ARSG: variants seen among roughly 807,000 people sequenced by gnomAD.
ARSG encodes ASG.
ARSG carries 37 observed loss-of-function variants against 50.5 expected under a neutral mutation model. The observed-to-expected ratio is 0.73, with a 90% CI of 0.56 to 0.96. ARSG has a LOEUF of 0.96. ARSG is among the 50% of genes least tolerant of loss of function. The probability of loss-of-function intolerance (pLI) is 0.00; values close to 1 mark genes in which losing one functional copy is unlikely to be tolerated. For synonymous variants in ARSG, 225 were observed against 254.6 expected, an observed-to-expected ratio of 0.88 and a Z score of 1.11; for missense variants, 629 against 675.3, an observed-to-expected ratio of 0.93 and a Z score of 0.76.
At chr17:68,329,535 C>T (rs56713568) in intron 2 of ARSG, among the ~76,000 whole-genome samples, 1,877 of 152,310 alleles carry the variant, frequency 0.012, 34 homozygotes, top group African/African-American at 0.042. Flanking sequence ...GCCCCACTGG[C>T]TGCCCCAGGG....
chr17:68,276,125 G>C (rs2075510337), intron 1 of ARSG, among the ~76,000 whole-genome samples: 1 of 151,454 alleles, frequency 6.6e-6, no homozygotes, highest in South Asian at 2.1e-4. Flanking sequence ...ACAGAGTCTT[G>C]CTCTGTCTCC....
chr17:68,444,572 T>C, the ARSG span: 16 of 1,613,796 alleles, frequency 9.9e-6, no homozygotes, highest in Admixed American at 2.2e-4. Flanking sequence ...TGGACTCTTC[T>C]AGGCAAACCA....
rs7221338 is a variant in ARSG at position 68,301,835 on chromosome 17, T to A, written c.-551-5108T>A. Among the ~76,000 whole-genome samples the A allele has an allele frequency of 6.2e-3, 945 of 152,138 alleles. 9 individuals are homozygous for A. The highest frequency in any genetic ancestry group is 0.017 in the Middle Eastern group (5 of 294). ...TTCCCAGTTTCTCTGCCTTTCCTGC[T>A]TGGCTTCCTGATGGCTGCGTAGCTT... On this transcript the variant is annotated intron_variant, in intron 1 of 11. Transcript: ENST00000621439.
intron 9 of ARSG, among the ~76,000 whole-genome samples, chr17:68,392,895 T>C (rs1456780058): frequency 6.6e-6 from 1 of 152,238 alleles, no homozygotes; most frequent in Non-Finnish European, 1.5e-5. Flanking sequence ...AGATCTTTTA[T>C]AACACAGAGA....
intron 2 of ARSG, among the ~76,000 whole-genome samples, chr17:68,340,913 A>G (rs969750017): frequency 6.6e-6 from 1 of 152,160 alleles, no homozygotes; most frequent in Admixed American, 6.5e-5. Flanking sequence ...TAATTTTAAC[A>G]TTATAGGTTT....
At chr17:68,290,041 T>C (rs766946331), upstream of ARSG, among the ~76,000 whole-genome samples, 3 of 152,196 alleles carry the variant, frequency 2.0e-5, no homozygotes, top group Non-Finnish European at 2.9e-5. Flanking sequence ...GCATAAGCAC[T>C]TGGCATCTTT....
downstream of ARSG, among the ~76,000 whole-genome samples, chr17:68,426,758 C>A (rs1383770402): frequency 6.6e-6 from 1 of 152,198 alleles, no homozygotes; most frequent in Admixed American, 6.5e-5. Flanking sequence ...TGGTCTCAAA[C>A]CCCTGGCCTC....
At chr17:68,318,568 G>A (rs2077161979) in intron 2 of ARSG, among the ~76,000 whole-genome samples, 1 of 152,222 alleles carries the variant, frequency 6.6e-6, no homozygotes, top group African/African-American at 2.4e-5. Context: ...CACAGGCAGC[G>A]AAGCCCAGAT....
rs201177561 is a variant in ARSG, at chr17:68,368,602, C to T, written c.759C>T (p.Pro253=). Residue 253 remains proline (P), a synonymous_variant, in exon 7 of 12, where the codon CCC becomes CCT. Coordinates refer to ENST00000621439, the MANE Select transcript of ARSG (RefSeq NM_001267727.2). Reference sequence around the variant, plus strand: ...TGGCTCTGGCCCACATGCACGTGCCCTTACCTGTGACTCAGCTACCAGCAG... The same window carrying T: ...TGGCTCTGGCCCACATGCACGTGCCTTTACCTGTGACTCAGCTACCAGCAG... ...LYVALAHMHV[P]LPVTQLPAAP... is the part of the protein sequence containing the mutation. 73 of 1,614,096 alleles carry T rather than the reference C, an allele frequency of 4.5e-5. No individual in the cohort carries two copies. The highest frequency in any genetic ancestry group is 6.0e-5 in the Non-Finnish European group (71 of 1,180,034).
At chr17:68,414,021 C>T (rs890904596) in intron 11 of ARSG, 1 of 155,496 alleles carries the variant, frequency 6.4e-6, no homozygotes, top group African/African-American at 2.4e-5. Flanking sequence ...GTCTGGCACT[C>T]CCTAGTGAGA....
chr17:68,354,071 T>A (rs1398777552), intron 5 of ARSG, among the ~76,000 whole-genome samples: 2 of 151,326 alleles, frequency 1.3e-5, no homozygotes, highest in Admixed American at 1.3e-4. Flanking sequence ...TATTTTTTTA[T>A]TTTTATTTTT....
chr17:68,295,151 A>G (rs1555757689), intron 1 of ARSG, among the ~76,000 whole-genome samples: 1 of 152,090 alleles, frequency 6.6e-6, no homozygotes, highest in Admixed American at 6.5e-5. Flanking sequence ...GAAGCCTTCA[A>G]CTGGCAGAGA....
In ARSG at chr17:68,366,673, A is replaced by ATGTGTGTGTGTGTGTGTG. The variant is rs555888280; in HGVS notation, c.705-1872_705-1871insGTGTGTGTGTGTGTGTGT. ...GCATTTGAAATGTGGCTAGGAATTT[A>ATGTGTGTGTGTGTGTGTG]TGTATGTGTGTGTGTGTGTGTGTGT... On this transcript the variant is annotated intron_variant, in intron 6 of 11. Transcript: ENST00000621439. Among the ~76,000 whole-genome samples, 1,096 of 134,958 alleles carry ATGTGTGTGTGTGTGTGTG rather than the reference A, an allele frequency of 8.1e-3. 17 individuals carry two copies. Among genetic ancestry groups the ATGTGTGTGTGTGTGTGTG allele is most frequent in the African/African-American group, 0.029 (1,032 of 36,156 alleles). 88.5% of individuals were successfully genotyped at this position (134,958 alleles called of 152,430 possible). A position where few individuals can be genotyped will look rare whatever the true frequency, so the allele number is the denominator to read the frequency against.
At chr17:68,395,638 G>T (rs1479630490) in intron 10 of ARSG, among the ~76,000 whole-genome samples, 1 of 152,072 alleles carries the variant, frequency 6.6e-6, no homozygotes, top group East Asian at 1.9e-4. Flanking sequence ...GCTTAGGGTG[G>T]GTGTATATAG....
intron 1 of ARSG, chr17:68,274,330 G>A (rs782203017): frequency 9.7e-6 from 3 of 308,970 alleles, no homozygotes; most frequent in South Asian, 9.1e-5. Context: ...GCCAGGCATG[G>A]TGGTGTGCAC....
chr17:68,361,076 C>T (rs530675349), intron 6 of ARSG, among the ~76,000 whole-genome samples: 29 of 152,272 alleles, frequency 1.9e-4, no homozygotes, highest in African/African-American at 6.0e-4. Context: ...CTACCTGCCT[C>T]GGCCTCCCAA....
At chr17:68,416,602 A>G (rs1478394440) in intron 11 of ARSG, among the ~76,000 whole-genome samples, 1 of 152,148 alleles carries the variant, frequency 6.6e-6, no homozygotes, top group African/African-American at 2.4e-5. Context: ...AGGAACACCA[A>G]TTATTCTTAG....
chr17:68,269,070 A>C (rs1364933430), intron 1 of ARSG: 1 of 1,578,474 alleles, frequency 6.3e-7, no homozygotes, highest in African/African-American at 1.4e-5. Flanking sequence ...CAGCCAACAC[A>C]GTGGCTGTTG....
chr17:68,263,969 T>G (rs560095154), intron 1 of ARSG, among the ~76,000 whole-genome samples: 1 of 152,164 alleles, frequency 6.6e-6, no homozygotes, highest in Non-Finnish European at 1.5e-5. Flanking sequence ...GTGCTTCTCC[T>G]GCCTCAGCCC....
Sources: allele counts gnomAD v4.1 joint callset (sites outside exome capture counted in the v4.1 genomes callset), GRCh38; gene constraint gnomAD v4.1.1; transcripts MANE v1.5; gene names NCBI Gene and HGNC (gene_info 2026-07-23, HGNC 2026-07-21).